PALD1: variants seen among roughly 807,000 people sequenced by gnomAD.
PALD1 encodes phosphatase domain containing paladin 1.
In PALD1, 57 loss-of-function variants were observed where a neutral mutation model predicts 96.0. The observed-to-expected ratio is 0.59, with a 90% CI of 0.48 to 0.74. The LOEUF (loss-of-function observed/expected upper bound fraction) is 0.74. PALD1 is among the 30% of genes least tolerant of loss of function. PALD1 has a pLI of 0.00. For synonymous variants in PALD1, 464 were observed against 473.6 expected (o/e 0.98, Z 0.26); for missense variants, 1,063 against 1,143.7 (o/e 0.93, Z 1.02).
chr10:70,525,029 T>A (rs1790623344), intron 1 of PALD1, among the ~76,000 whole-genome samples: 1 of 152,058 alleles, frequency 6.6e-6, no homozygotes, highest in African/African-American at 2.4e-5. Flanking sequence ...TGAGATAGAG[T>A]CTCACTCTGT....
chr10:70,502,650 G>A (rs914773610), intron 1 of PALD1, among the ~76,000 whole-genome samples: 10 of 152,144 alleles, frequency 6.6e-5, no homozygotes, highest in African/African-American at 2.4e-4. Context: ...ACAGGATATG[G>A]GGCAAAAGAA....
chr10:70,560,340 G>C (rs998080992), intron 18 of PALD1, among the ~76,000 whole-genome samples: 21 of 152,130 alleles, frequency 1.4e-4, no homozygotes, highest in African/African-American at 4.8e-4. Flanking sequence ...GGTAGGAAGA[G>C]CTGGGGTCTT....
At chr10:70,532,941 G>C in intron 6 of PALD1, 54 bp from the exon 7 acceptor site, 2 of 1,534,264 alleles carry the variant, frequency 1.3e-6, no homozygotes, top group Non-Finnish European at 1.8e-6. Context: ...TAGGGGGTGA[G>C]GGGGATTCCC....
the PALD1 span, among the ~76,000 whole-genome samples, chr10:70,467,851 C>T: frequency 6.6e-6 from 1 of 152,084 alleles, no homozygotes; most frequent in African/African-American, 2.4e-5. Context: ...TAACTCCTCA[C>T]TACGAGCCCC....
chr10:70,505,937 T>C (rs936517025), intron 1 of PALD1, among the ~76,000 whole-genome samples: 2 of 151,828 alleles, frequency 1.3e-5, no homozygotes, highest in African/African-American at 4.8e-5. Flanking sequence ...GGTGGGAGGA[T>C]AGCTTGAGCC....
chr10:70,493,278 C>T (rs1354824810), intron 1 of PALD1, among the ~76,000 whole-genome samples: 1 of 152,244 alleles, frequency 6.6e-6, no homozygotes, highest in Non-Finnish European at 1.5e-5. Context: ...AGTCACCACT[C>T]ATAGCCTGTT....
chr10:70,529,394 C>A, intron 3 of PALD1, 63 bp downstream of exon 3: 1 of 762,224 alleles, frequency 1.3e-6, no homozygotes, highest in Non-Finnish European at 2.3e-6. Context: ...CTCATGAATT[C>A]CCTCCCTCAC....
rs1589213743 is a variant in PALD1, at chr10:70,547,338, T to C, written c.2154T>C (p.Asp718=). 6.2e-7 allele frequency: 1 copy of C among 1,613,574 alleles called. No individual in the cohort carries two copies. The highest frequency in any genetic ancestry group is 8.5e-7 in the Non-Finnish European group (1 of 1,179,586). Reference sequence around the variant, plus strand: ...TGAAGGTGGTGCAGCTGCTACCCGATGGGCACCGTGTGAAGAAGGAGGTGG... The same window carrying C: ...TGAAGGTGGTGCAGCTGCTACCCGACGGGCACCGTGTGAAGAAGGAGGTGG... ...VVMKVVQLLP[D]GHRVKKEVDA... is the part of the protein sequence containing the mutation. The change falls in exon 18 of 20, where the codon GAT becomes GAC. Residue 718 remains aspartate, a synonymous_variant. Transcript: ENST00000263563.
intron 1 of PALD1, among the ~76,000 whole-genome samples, chr10:70,510,307 T>A (rs1846486340): frequency 6.6e-6 from 1 of 152,194 alleles, no homozygotes; most frequent in East Asian, 1.9e-4. Context: ...ACTGTCACTC[T>A]GGGTCTAGTC....
chr10:70,477,047 G>A (rs1845837327), upstream of PALD1, among the ~76,000 whole-genome samples: 1 of 134,404 alleles, frequency 7.4e-6, no homozygotes, highest in Non-Finnish European at 1.6e-5. Flanking sequence ...ACATGCACAT[G>A]TATGTAAATG....
At chr10:70,508,664 C>T (rs1047334701) in intron 1 of PALD1, among the ~76,000 whole-genome samples, 16 of 152,160 alleles carry the variant, frequency 1.1e-4, no homozygotes, top group Admixed American at 9.2e-4. Context: ...TCCGGCCACC[C>T]GTGGACCCCA....
chr10:70,558,570 G>A (rs1365566076), intron 18 of PALD1, among the ~76,000 whole-genome samples: 1 of 152,108 alleles, frequency 6.6e-6, no homozygotes, highest in East Asian at 1.9e-4. Context: ...CACACATCAG[G>A]GCCGTGGTCT....
In PALD1 at chr10:70,541,206, G is replaced by A; in HGVS notation, c.2013G>A (p.Ala671=). The change falls in exon 16 of 20, where the codon GCG becomes GCA. Residue 671 remains alanine (A), a synonymous_variant. Coordinates refer to ENST00000263563, the MANE Select transcript of PALD1 (RefSeq NM_014431.3). ...GCGGCCAGGGCCGTACCACAACTGC[G>A]ATGGTGGTGGCTGTCCTGGCCTTCT... is the stretch of plus-strand genomic sequence containing the variant. The part of the protein sequence containing the change: ...CLSGQGRTTT[A]MVVAVLAFWH... The A allele has an allele frequency of 2.5e-6, 4 of 1,613,270 alleles. No homozygotes were observed. The highest frequency in any genetic ancestry group is 3.4e-6 in the Non-Finnish European group (4 of 1,179,620).
intron 1 of PALD1, among the ~76,000 whole-genome samples, chr10:70,507,729 C>T (rs1320374394): frequency 6.8e-6 from 1 of 147,992 alleles, no homozygotes; most frequent in Non-Finnish European, 1.5e-5. Context: ...CTAATTGTTA[C>T]ATTTGTATGT....
At position 70,518,403 on chromosome 10, in the gene PALD1, G is replaced by T. The variant is rs12261306; in HGVS notation, c.-29-7520G>T. On this transcript the variant is annotated intron_variant, in intron 1 of 19. Coordinates refer to ENST00000263563, the MANE Select transcript of PALD1 (RefSeq NM_014431.3). The stretch of plus-strand genomic sequence containing the variant: ...ATATGAGAAGGGTATGTCTCCATTA[G>T]TAAGAAATTACAAAACTGTCTTCCA... 8.2e-3 allele frequency among the ~76,000 whole-genome samples: 1,242 copies of T among 152,266 alleles called. 17 individuals carry two copies. Among genetic ancestry groups the T allele is most frequent in the African/African-American group, 0.028 (1,183 of 41,540 alleles).
In PALD1 at chr10:70,531,272, C is replaced by T. The variant is rs767024080; in HGVS notation, c.469-18C>T. On this transcript the variant is annotated intron_variant, in intron 4 of 19. Coordinates refer to ENST00000263563, the MANE Select transcript of PALD1 (RefSeq NM_014431.3). ...GGGATCATGATGATGGCTTCCTTCCCCCTCGGGCTCCTGGCAGGAGTGTGT... is the reference window on the plus strand; with the variant it reads ...GGGATCATGATGATGGCTTCCTTCCTCCTCGGGCTCCTGGCAGGAGTGTGT... The T allele has an allele frequency of 3.8e-5, 61 of 1,604,830 alleles. No homozygotes were observed. Among genetic ancestry groups the T allele is most frequent in the Non-Finnish European group, 4.8e-5 (56 of 1,172,942 alleles).
In PALD1 at chr10:70,539,829, C is replaced by G; in HGVS notation, c.1908+67C>G. ...GAGGCCTCCCTGTCTCCCCTCTGGT[C>G]TGGGCTCTGGGAGAATGAAACGACC... is the stretch of plus-strand genomic sequence containing the variant. On this transcript the variant is annotated intron_variant, in intron 15 of 19. Transcript: ENST00000263563. The surrounding 1 kb of genome is among the most constrained non-coding windows in gnomAD (Gnocchi z 4.5). The G allele has an allele frequency of 2.9e-6, 4 of 1,384,252 alleles. No homozygotes were observed. Among genetic ancestry groups the G allele is most frequent in the Non-Finnish European group, 3.9e-6 (4 of 1,014,324 alleles). 85.7% of individuals were successfully genotyped at this position (1,384,252 alleles called of 1,614,324 possible). A position where few individuals can be genotyped will look rare whatever the true frequency, so the allele number is the denominator to read the frequency against.
intron 1 of PALD1, among the ~76,000 whole-genome samples, chr10:70,480,446 AC>A (rs1038240421): frequency 1.9e-4 from 29 of 151,754 alleles, no homozygotes; most frequent in African/African-American, 7.0e-4. Flanking sequence ...GTGCAGACAG[AC>A]CCCAGGTGGT....
intron 1 of PALD1, among the ~76,000 whole-genome samples, chr10:70,486,928 G>A (rs948066267): frequency 2.0e-5 from 3 of 152,038 alleles, no homozygotes; most frequent in African/African-American, 7.2e-5. Context: ...TGCCCTGCTG[G>A]CTCAGCCCAA....
Sources: gnomAD v4.1 joint callset for allele counts (sites outside exome capture counted in the v4.1 genomes callset) on GRCh38, gnomAD v4.1.1 for gene constraint, Gnocchi (gnomAD v3.1) non-coding constraint, MANE v1.5 for transcripts, NCBI Gene and HGNC (gene_info 2026-07-23, HGNC 2026-07-21) for gene names.